SLC12A3: variants seen among roughly 807,000 people sequenced by gnomAD.
The protein encoded by SLC12A3 is solute carrier family 12 member 3.
Under a neutral mutation model 121.0 loss-of-function variants are expected in SLC12A3, and 104 were observed. The ratio of observed to expected loss-of-function variants is 0.86; its 90% confidence interval spans 0.73 to 1.01. The LOEUF is 1.01. Among genes scored for constraint, SLC12A3 ranks in the 50% least tolerant of loss-of-function variants. SLC12A3 has a pLI of 0.00. For missense variants in SLC12A3, 1,328 were observed against 1,356.3 expected (o/e 0.98, Z 0.33); for synonymous variants, 536 against 533.4 (o/e 1.00, Z -0.07).
At chr16:56,882,267 TGAGAAGGTTGA>T (rs1411171973) in intron 12 of SLC12A3, 118 bp from the exon 13 acceptor site, 15 of 764,008 alleles carry the variant, frequency 2.0e-5, no homozygotes, top group Non-Finnish European at 3.1e-5. Flanking sequence ...ATTTCACAGA[TGAGAAGGTTGA>T]GACTGACTGA....
intron 12 of SLC12A3, among the ~76,000 whole-genome samples, chr16:56,882,059 AAAAAG>A (rs1361847778): frequency 6.8e-6 from 1 of 147,944 alleles, no homozygotes; most frequent in African/African-American, 2.7e-5. Flanking sequence ...AAAAAAAAAA[AAAAAG>A]AAAAGTATTT....
chr16:56,911,469 C>T (rs111378308), intron 25 of SLC12A3, among the ~76,000 whole-genome samples: 2,482 of 152,216 alleles, frequency 0.016, 72 homozygotes, highest in African/African-American at 0.055. Context: ...GGACCACAGG[C>T]GTGTGCCATC....
At chr16:56,902,560 G>A (rs368336339) in intron 24 of SLC12A3, 52 bp downstream of exon 24, 121 of 1,604,116 alleles carry the variant, frequency 7.5e-5, no homozygotes, top group Middle Eastern at 2.1e-4. Context: ...GGTCAGGGAC[G>A]GGTGTCCTGC....
intron 10 of SLC12A3, 61 bp from the exon 11 acceptor site, chr16:56,879,481 A>T: frequency 2.1e-6 from 3 of 1,403,628 alleles, no homozygotes; most frequent in South Asian, 1.2e-5. Flanking sequence ...ATGAAGTGCC[A>T]CAGATGGGGG....
At position 56,904,747 on chromosome 16, in the gene SLC12A3, C is replaced by T. The variant is rs539957316; in HGVS notation, c.2924+285C>T. On this transcript the variant is annotated intron_variant, in intron 25 of 25. Coordinates refer to ENST00000563236, the MANE Select transcript of SLC12A3 (RefSeq NM_001126108.2). ...TTTCCTGTTGGCTGCCTTTTCCTAC[C>T]AAATTCCACTTGGCAAAGAGGGAAC... 3.3e-5 allele frequency: 14 copies of T among 420,664 alleles called. No homozygotes were observed. The Admixed American group carries it at 3.5e-4, about 11-fold the overall frequency. The allele number at this position is 420,664 out of a possible 1,614,324, so 26.1% of individuals were successfully genotyped here. A position where few individuals can be genotyped will look rare whatever the true frequency, so the allele number is the denominator to read the frequency against.
intron 15 of SLC12A3, among the ~76,000 whole-genome samples, chr16:56,885,909 G>A (rs188681198): frequency 9.8e-5 from 15 of 152,312 alleles, no homozygotes; most frequent in African/African-American, 3.6e-4. Context: ...TAAGTAACTG[G>A]CCCCAGGTCA....
At chr16:56,869,030 G>A (rs1445555226) in intron 3 of SLC12A3, among the ~76,000 whole-genome samples, 1 of 152,040 alleles carries the variant, frequency 6.6e-6, no homozygotes, top group African/African-American at 2.4e-5. Flanking sequence ...GGACTCAGAT[G>A]CTAGCTCTGT....
intron 20 of SLC12A3, 95 bp from the exon 21 acceptor site, chr16:56,892,858 T>A: frequency 1.1e-6 from 1 of 950,436 alleles, no homozygotes; most frequent in Non-Finnish European, 1.7e-6. Flanking sequence ...AGAACCCGTG[T>A]TCAACATCAG....
At chr16:56,894,884 C>T (rs1466313616) in intron 22 of SLC12A3, among the ~76,000 whole-genome samples, 4 of 151,996 alleles carry the variant, frequency 2.6e-5, no homozygotes, top group African/African-American at 4.8e-5. Context: ...ATGCCCTAGG[C>T]TTTGCTACGA....
chr16:56,878,889 C>T (rs551114142), intron 9 of SLC12A3, among the ~76,000 whole-genome samples, 184 bp from the exon 10 acceptor site: 125 of 152,322 alleles, frequency 8.2e-4, no homozygotes, highest in Non-Finnish European at 1.5e-3. Flanking sequence ...AATGCCTGCT[C>T]GTAGGTTATT....
rs933308354 is a variant in SLC12A3 at position 56,865,418 on chromosome 16, C to G, written c.183C>G (p.Ile61Met). Residue 61 changes from isoleucine to methionine, a missense_variant, in exon 1 of 26, where the codon ATC becomes ATG. Transcript: ENST00000563236. ...TGCGCACCTTTGGCTACAACACGAT[C>G]GATGTGGTGCCCACATATGAGCACT... Reference protein sequence around the residue: ...FCMRTFGYNTIDVVPTYEHYA... With the variant: ...FCMRTFGYNTMDVVPTYEHYA... 1 of 1,614,086 alleles carries G rather than the reference C, an allele frequency of 6.2e-7. No homozygotes were observed. Among genetic ancestry groups the G allele is most frequent in the Non-Finnish European group, 8.5e-7 (1 of 1,180,050 alleles).
At position 56,872,312 on chromosome 16, in the gene SLC12A3, C is replaced by G. The variant is rs374343037; in HGVS notation, c.853-39C>G. On this transcript the variant is annotated intron_variant, in intron 6 of 25. Coordinates refer to ENST00000563236, the MANE Select transcript of SLC12A3 (RefSeq NM_001126108.2). ...GGCGGGGCTTCCCAGAGAGGTAGAA[C>G]AAAACTATCTGACCTCTGGGGTCCT... The G allele has an allele frequency of 2.7e-3, 4,027 of 1,472,966 alleles. 11 individuals are homozygous for G. Among genetic ancestry groups the G allele is most frequent in the Non-Finnish European group, 3.7e-3 (3,857 of 1,053,154 alleles). 91.2% of individuals were successfully genotyped at this position (1,472,966 alleles called of 1,614,324 possible).
chr16:56,878,530 C>T (rs2055195717), intron 9 of SLC12A3, among the ~76,000 whole-genome samples: 1 of 152,130 alleles, frequency 6.6e-6, no homozygotes, highest in Admixed American at 6.5e-5. Flanking sequence ...CCGCCCTTTG[C>T]ATGCCAGTCC....
intron 8 of SLC12A3, among the ~76,000 whole-genome samples, chr16:56,877,086 G>T (rs1021732877): frequency 9.2e-5 from 14 of 152,198 alleles, no homozygotes; most frequent in Non-Finnish European, 1.5e-5. Context: ...GAAGGCTTGT[G>T]ATCACTGTTA....
chr16:56,875,581 T>C (rs1229340525), intron 8 of SLC12A3, among the ~76,000 whole-genome samples: 2 of 151,994 alleles, frequency 1.3e-5, no homozygotes, highest in Non-Finnish European at 2.9e-5. Flanking sequence ...ATCTAACAAA[T>C]ACGTTTTGTG....
rs545330779 is a variant in SLC12A3, at chr16:56,868,772, C to T, written c.505+400C>T. The stretch of plus-strand genomic sequence containing the variant: ...GGATCACGAGGTCAGGAGTTCAAGA[C>T]CAGCCTGGCCAACATGGTGAAACCC... On this transcript the variant is annotated intron_variant, in intron 3 of 25. Coordinates refer to ENST00000563236, the MANE Select transcript of SLC12A3 (RefSeq NM_001126108.2). Among the ~76,000 whole-genome samples the T allele has an allele frequency of 1.4e-3, 209 of 152,262 alleles. 1 individual carries two copies. The highest frequency in any genetic ancestry group is 4.7e-3 in the African/African-American group (197 of 41,568).
chr16:56,909,547 C>T (rs2055656079), intron 25 of SLC12A3, among the ~76,000 whole-genome samples: 2 of 152,106 alleles, frequency 1.3e-5, no homozygotes, highest in Non-Finnish European at 2.9e-5. Flanking sequence ...CAGGGCGTCC[C>T]ACCCCATGCC....
chr16:56,904,050 G>A (rs1326327133), intron 24 of SLC12A3, among the ~76,000 whole-genome samples: 1 of 152,196 alleles, frequency 6.6e-6, no homozygotes, highest in African/African-American at 2.4e-5. Flanking sequence ...GTGAAGGTCA[G>A]GGAGACAACC....
chr16:56,878,044 C>CT, intron 8 of SLC12A3, 33 bp from the exon 9 acceptor site: 1 of 639,906 alleles, frequency 1.6e-6, no homozygotes, highest in Non-Finnish European at 2.9e-6. Context: ...CTCTCCCTCC[C>CT]TCCCTCCCTC....
Sources: allele counts gnomAD v4.1 joint callset (sites outside exome capture counted in the v4.1 genomes callset), GRCh38; gene constraint gnomAD v4.1.1; transcripts MANE v1.5; gene names NCBI Gene and HGNC (gene_info 2026-07-23, HGNC 2026-07-21).